Variants in NAV1 observed in about 807,000 individuals in gnomAD.
NAV1 encodes the protein neuron navigator 1.
Under a neutral mutation model 175.2 loss-of-function variants are expected in NAV1, and 18 were observed. The observed-to-expected ratio is 0.10, with a 90% confidence interval of 0.07 to 0.15. The LOEUF is 0.15. Ranked by LOEUF, NAV1 falls within the 10% of genes least tolerant of loss-of-function variation. NAV1 has a pLI of 1.00. For missense variants in NAV1, 1,731 were observed against 2,436.6 expected (o/e 0.71, Z 6.10); for synonymous variants, 897 against 978.7 (o/e 0.92, Z 1.56).
At chr1:201,704,964 G>GTA (rs1671604263) in intron 1 of NAV1, among the ~76,000 whole-genome samples, 1 of 152,154 alleles carries the variant, frequency 6.6e-6, no homozygotes, top group African/African-American at 2.4e-5. Context: ...AGTCATGTGT[G>GTA]CCCCCAAGCT....
intron 2 of NAV1, among the ~76,000 whole-genome samples, chr1:201,604,592 G>A (rs1667618701): frequency 6.6e-6 from 1 of 151,628 alleles, no homozygotes; most frequent in Non-Finnish European, 1.5e-5. Flanking sequence ...TGAGGTGGTA[G>A]AATCGCTTGA....
Position 201,694,464 on chromosome 1 carries a change from G to T in NAV1, c.758-18353G>T, listed in dbSNP as rs1335381211. On this transcript the variant is annotated intron_variant, in intron 1 of 29. Transcript: ENST00000367296. The surrounding 1 kb of genome is among the most constrained non-coding windows in gnomAD (Gnocchi z 4.2). The stretch of plus-strand genomic sequence containing the variant: ...TGACCCTGGGGAGGGTGAGGGCCGG[G>T]GTCACCAGCTGCTGGGGCTTCTTGC... Among the ~76,000 whole-genome samples the T allele has an allele frequency of 1.3e-5, 2 of 152,182 alleles. No homozygotes were observed. Among genetic ancestry groups the T allele is most frequent in the Admixed American group, 6.5e-5 (1 of 15,288 alleles).
At chr1:201,646,944 C>T (rs547031394), upstream of NAV1, among the ~76,000 whole-genome samples, 39 of 152,288 alleles carry the variant, frequency 2.6e-4, no homozygotes, top group African/African-American at 8.4e-4. Flanking sequence ...GAGACTCACA[C>T]ACAGCGTTCT....
At chr1:201,674,490 A>G (rs1243328308) in intron 1 of NAV1, among the ~76,000 whole-genome samples, 1 of 152,164 alleles carries the variant, frequency 6.6e-6, no homozygotes, top group Non-Finnish European at 1.5e-5. Context: ...CATGTATGTT[A>G]GGCCATTCTT....
At chr1:201,766,723 C>G (rs1169463971) in intron 3 of NAV1, among the ~76,000 whole-genome samples, 1 of 152,204 alleles carries the variant, frequency 6.6e-6, no homozygotes, top group Non-Finnish European at 1.5e-5. Context: ...AGCTAAAGAA[C>G]TCCAGCTCTT....
At chr1:201,589,259 G>A (rs573180639) in intron 2 of NAV1, among the ~76,000 whole-genome samples, 1 of 152,256 alleles carries the variant, frequency 6.6e-6, no homozygotes, top group Admixed American at 6.5e-5. Context: ...TTACCCCAGA[G>A]CACCCATTAA....
At chr1:201,765,639 C>T (rs1362660089) in intron 3 of NAV1, among the ~76,000 whole-genome samples, 1 of 152,054 alleles carries the variant, frequency 6.6e-6, no homozygotes, top group Non-Finnish European at 1.5e-5. Flanking sequence ...AGGCGATCCG[C>T]CCACTTTAGC....
At chr1:201,802,593 A>G (rs1026965052) in intron 15 of NAV1, among the ~76,000 whole-genome samples, 10 of 151,872 alleles carry the variant, frequency 6.6e-5, no homozygotes, top group Non-Finnish European at 1.2e-4. Context: ...AGCCTGGTCA[A>G]CATGGTGAAA....
chr1:201,778,464 A>G (rs1676097849), intron 3 of NAV1, among the ~76,000 whole-genome samples: 1 of 152,216 alleles, frequency 6.6e-6, no homozygotes, highest in Non-Finnish European at 1.5e-5. Flanking sequence ...GACCTGGAAG[A>G]GCTGATAGGA....
At chr1:201,681,744 G>A (rs1218460276) in intron 1 of NAV1, among the ~76,000 whole-genome samples, 2 of 152,004 alleles carry the variant, frequency 1.3e-5, no homozygotes, top group Admixed American at 6.6e-5. Flanking sequence ...GGGCCGAGGG[G>A]GGCAGATCAC....
At chr1:201,723,113 A>T (rs1672460111) in intron 3 of NAV1, among the ~76,000 whole-genome samples, 1 of 152,236 alleles carries the variant, frequency 6.6e-6, no homozygotes, top group African/African-American at 2.4e-5. Flanking sequence ...TCCAACTCAA[A>T]AAAAGAAAAA....
intron 3 of NAV1, among the ~76,000 whole-genome samples, chr1:201,719,292 G>A (rs922034931): frequency 2.4e-4 from 37 of 152,128 alleles, no homozygotes; most frequent in African/African-American, 8.9e-4. Context: ...CCAGGGGTTC[G>A]TAACCCCTCA....
At chr1:201,799,197 G>T (rs563326315) in intron 15 of NAV1, among the ~76,000 whole-genome samples, 58 of 115,214 alleles carry the variant, frequency 5.0e-4, no homozygotes, top group African/African-American at 1.5e-3. Context: ...TGTGTGTGTG[G>T]AGAGAGAGAG....
chr1:201,753,824 A>G (rs1558128449), intron 3 of NAV1, among the ~76,000 whole-genome samples: 1 of 152,216 alleles, frequency 6.6e-6, no homozygotes, highest in Admixed American at 6.5e-5. Context: ...TGGTGGGTAA[A>G]TGTGCATATG....
rs74595501 is a variant in NAV1, at chr1:201,637,753, CCT to C, written c.4+8250_4+8251del. Among the ~76,000 whole-genome samples the C allele has an allele frequency of 2.6e-4, 39 of 152,316 alleles. No individual in the cohort carries two copies. In the East Asian group the frequency reaches 4.8e-3, roughly 19 times the overall value. Reference sequence around the variant, plus strand: ...GCACAGCCACAGGCACACACCCTACCCTCTCCTTCCTTTGCCTGCCTGGAGTT... The same window carrying C: ...GCACAGCCACAGGCACACACCCTACCCTCCTTCCTTTGCCTGCCTGGAGTT... On this transcript the variant is annotated intron_variant, in intron 2 of 29. Transcript: ENST00000367302.
chr1:201,701,111 A>G (rs1157283463), intron 1 of NAV1, among the ~76,000 whole-genome samples: 2 of 151,270 alleles, frequency 1.3e-5, no homozygotes, highest in East Asian at 1.9e-4. Context: ...TGTCCTTTGC[A>G]GGGTCATGGA....
rs182129330 is a variant in NAV1, at chr1:201,597,105, C to T, written c.-33+8456C>T. On this transcript the variant is annotated intron_variant, in intron 2 of 33. Coordinates refer to the NAV1 transcript ENST00000685211. Reference sequence around the variant, plus strand: ...CCTCCCAAAGTGCTGGGATTACAGACGTGAGCCACCGTGCCTGGCCTGGCA... The same window carrying T: ...CCTCCCAAAGTGCTGGGATTACAGATGTGAGCCACCGTGCCTGGCCTGGCA... 1.8e-4 allele frequency among the ~76,000 whole-genome samples: 27 copies of T among 152,224 alleles called. No individual in the cohort carries two copies. In the South Asian group the frequency reaches 3.1e-3, roughly 18 times the overall value.
intron 1 of NAV1, among the ~76,000 whole-genome samples, chr1:201,579,286 A>C (rs1666779050): frequency 6.6e-6 from 1 of 152,198 alleles, no homozygotes; most frequent in Non-Finnish European, 1.5e-5. Context: ...TTATGAAGAA[A>C]AAAACAAACA....
chr1:201,809,960 A>C, exon 23 of NAV1: 10 of 1,612,530 alleles, frequency 6.2e-6, no homozygotes, highest in Non-Finnish European at 8.5e-6. Flanking sequence ...ATATTTCTAA[A>C]ATGGACCCAG....
Sources: allele counts gnomAD v4.1 joint callset (sites outside exome capture counted in the v4.1 genomes callset), GRCh38; gene constraint gnomAD v4.1.1; non-coding constraint Gnocchi (gnomAD v3.1); transcripts MANE v1.5; gene names NCBI Gene and HGNC (gene_info 2026-07-23, HGNC 2026-07-21).